The following PLA2R1 variants were observed in gnomAD, a reference collection of about 807,000 sequenced individuals.
The protein encoded by PLA2R1 is secretory phospholipase A2 receptor.
In PLA2R1, 158 loss-of-function variants were observed where a neutral mutation model predicts 195.9. The observed-to-expected ratio is 0.81, with a 90% CI of 0.71 to 0.92. PLA2R1 has a LOEUF of 0.92. PLA2R1 is among the 40% of genes least tolerant of loss of function. The pLI is 0.00. For missense variants in PLA2R1, 1,626 were observed against 1,764.6 expected (o/e 0.92, Z 1.41); for synonymous variants, 586 against 598.2 (o/e 0.98, Z 0.30).
At chr2:160,031,055 A>AG (rs1693820871) in intron 4 of PLA2R1, among the ~76,000 whole-genome samples, 1 of 152,216 alleles carries the variant, frequency 6.6e-6, no homozygotes, top group African/African-American at 2.4e-5. Context: ...GTTTTCCTGC[A>AG]CTATGACTTA....
intron 20 of PLA2R1, among the ~76,000 whole-genome samples, chr2:159,957,975 C>T (rs1047282193): frequency 3.3e-5 from 5 of 152,164 alleles, no homozygotes; most frequent in Non-Finnish European, 7.3e-5. Context: ...CCTAAGATCT[C>T]GCCACTACAG....
At chr2:160,003,117 T>C (rs1691717625) in intron 11 of PLA2R1, among the ~76,000 whole-genome samples, 1 of 152,038 alleles carries the variant, frequency 6.6e-6, no homozygotes, top group Non-Finnish European at 1.5e-5. Context: ...AAGGGTGAAC[T>C]TACTATATAG....
intron 27 of PLA2R1, chr2:159,946,117 T>A: frequency 2.6e-6 from 2 of 780,734 alleles, no homozygotes; most frequent in Non-Finnish European, 3.1e-6. Flanking sequence ...TGGGCAATAG[T>A]GTATTGTCTG....
chr2:160,052,589 T>C (rs1052389413), intron 1 of PLA2R1, among the ~76,000 whole-genome samples: 1 of 152,254 alleles, frequency 6.6e-6, no homozygotes, highest in Non-Finnish European at 1.5e-5. Flanking sequence ...TCTGTGATTA[T>C]CTTATTGACT....
chr2:160,008,360 G>A (rs747804449), intron 10 of PLA2R1, among the ~76,000 whole-genome samples: 15 of 152,118 alleles, frequency 9.9e-5, no homozygotes, highest in Non-Finnish European at 2.2e-4. Context: ...AAACACTAAC[G>A]CATAGGCCAG....
chr2:159,954,264 T>A (rs1430550329), intron 23 of PLA2R1, among the ~76,000 whole-genome samples: 1 of 151,934 alleles, frequency 6.6e-6, no homozygotes, highest in Non-Finnish European at 1.5e-5. Flanking sequence ...CAGGTACTCA[T>A]AAGTGTGTAA....
In PLA2R1 at chr2:159,967,683, A is replaced by G; in HGVS notation, c.2765-5T>C. 2 of 1,612,362 alleles carry G rather than the reference A, an allele frequency of 1.2e-6. No individual in the cohort carries two copies. Among genetic ancestry groups the G allele is most frequent in the South Asian group, 1.1e-5 (1 of 90,650 alleles). ...ACTCTTCACTACCCCAGAGTCCTGG[A>G]GGAGAAAATGGGTTAGAAATGGCTT... is the stretch of plus-strand genomic sequence containing the variant. On this transcript the variant is annotated splice_polypyrimidine_tract_variant and splice_region_variant and intron_variant, in intron 19 of 29. Transcript: ENST00000283243.
Position 160,028,284 on chromosome 2 carries a change from C to T in PLA2R1, c.1033G>A (p.Asp345Asn). 1 of 1,602,230 alleles carries T rather than the reference C, an allele frequency of 6.2e-7. No individual in the cohort carries two copies. The change falls in exon 6 of 30, where the codon GAT (aspartate) becomes AAT (asparagine). Residue 345 changes from aspartate (D) to asparagine (N), a missense_variant. Transcript: ENST00000283243. ...ATATATGGCAAGGTGGACTCACAAT[C>T]CCGACTCCTCCAGGCACTTGGCATA... ...SFMPSAWRSR[D>N]CESTLPYICK...
At chr2:159,954,232 G>A (rs955641114) in intron 23 of PLA2R1, among the ~76,000 whole-genome samples, 3 of 151,990 alleles carry the variant, frequency 2.0e-5, no homozygotes, top group Non-Finnish European at 4.4e-5. Context: ...GGCATACCGC[G>A]CATACACTCA....
At chr2:160,031,787 T>C (rs1213821552) in intron 4 of PLA2R1, among the ~76,000 whole-genome samples, 1 of 152,206 alleles carries the variant, frequency 6.6e-6, no homozygotes, top group African/African-American at 2.4e-5. Flanking sequence ...TGTATTTTGA[T>C]ATGAAGGCTC....
At chr2:160,005,435 AAAAC>A (rs61323503) in intron 11 of PLA2R1, among the ~76,000 whole-genome samples, 65,092 of 151,244 alleles carry the variant, frequency 0.43, 16,420 homozygotes, top group Non-Finnish European at 0.57. Context: ...ACCTCGTCTC[AAAAC>A]AAACAAACAA....
In PLA2R1 at chr2:159,955,425, T is replaced by C. The variant is rs1246555333; in HGVS notation, c.3154-79A>G. 2.0e-5 allele frequency: 18 copies of C among 907,976 alleles called. No homozygotes were observed. The South Asian group carries it at 3.0e-4, about 15-fold the overall frequency. The allele number at this position is 907,976 out of a possible 1,614,324, so 56.2% of individuals were successfully genotyped here. ...CATTAAAATTTTTATTAAGACATTA[T>C]TTTTAAAATTAAGACACCATTATTC... On this transcript the variant is annotated intron_variant, in intron 22 of 29. Transcript: ENST00000283243.
Position 160,045,031 on chromosome 2 carries a change from T to C in PLA2R1, c.236A>G (p.His79Arg), listed in dbSNP as rs376256904. The change falls in exon 2 of 30, where the codon CAT becomes CGT. Residue 79 changes from histidine (H) to arginine (R), a missense_variant. His to Arg is a conservative substitution (Grantham distance 29). Transcript: ENST00000283243. The stretch of plus-strand genomic sequence containing the variant: ...ACTGCCTCCTATGTTAAAGAGGCCA[T>C]GGTTTGAAACCCATTTCCACAGCAT... ...KHMLWKWVSN[H>R]GLFNIGGSGC... 6.8e-6 allele frequency: 11 copies of C among 1,614,112 alleles called. No homozygotes were observed. The African/African-American group carries it at 8.0e-5, about 12-fold the overall frequency.
chr2:159,942,105 T>C, intron 29 of PLA2R1, 22 bp downstream of exon 29: 9 of 1,605,882 alleles, frequency 5.6e-6, no homozygotes, highest in Non-Finnish European at 7.7e-6. Context: ...AATCAAAATG[T>C]TTTGTATGGT....
In PLA2R1 at chr2:159,977,322, C is replaced by G; in HGVS notation, c.2363G>C (p.Cys788Ser). Residue 788 changes from cysteine (C) to serine (S), a missense_variant, in exon 15 of 30, where the codon TGT becomes TCT. Coordinates refer to ENST00000283243, the MANE Select transcript of PLA2R1 (RefSeq NM_007366.5). ...GCATATCCATTCACGTTTGGAACCA[C>G]AGTGTAAGGGCAGCAATGTTTTGTT... ...KANKTLLPLH[C>S]GSKREWICKI... 1 of 1,612,906 alleles carries G rather than the reference C, an allele frequency of 6.2e-7. No individual in the cohort carries two copies.
At chr2:160,018,070 C>T (rs1359308629) in intron 8 of PLA2R1, among the ~76,000 whole-genome samples, 1 of 152,062 alleles carries the variant, frequency 6.6e-6, no homozygotes, top group Non-Finnish European at 1.5e-5. Context: ...CTAAGTTCTA[C>T]TCCATGGAAA....
chr2:159,993,539 C>G (rs1376881087), intron 11 of PLA2R1, among the ~76,000 whole-genome samples: 1 of 151,556 alleles, frequency 6.6e-6, no homozygotes, highest in East Asian at 1.9e-4. Flanking sequence ...GACGAGCACC[C>G]TTAAGCCCAG....
rs146179209 is a variant in PLA2R1 at position 159,976,225 on chromosome 2, T to C, written c.2438A>G (p.Asp813Gly). 9.1e-5 allele frequency: 145 copies of C among 1,596,236 alleles called. No homozygotes were observed. Among genetic ancestry groups the C allele is most frequent in the Admixed American group, 5.1e-4 (29 of 56,982 alleles). The change falls in exon 17 of 30, where the codon GAT becomes GGT. Residue 813 changes from aspartate to glycine, a missense_variant and splice_region_variant. By Grantham distance (94) the Asp-to-Gly change is moderately conservative. Coordinates refer to ENST00000283243, the MANE Select transcript of PLA2R1 (RefSeq NM_007366.5). ...KPKIPFWYQY[D>G]VPWLFYQDAE... ...ATCCTGATAAAAGAGCCAGGGTACATCTGAAAAAGAAACAGTGAAAATAAT... is the reference window on the plus strand; with the variant it reads ...ATCCTGATAAAAGAGCCAGGGTACACCTGAAAAAGAAACAGTGAAAATAAT...
intron 20 of PLA2R1, among the ~76,000 whole-genome samples, chr2:159,961,902 T>A (rs1688470393): frequency 6.6e-6 from 1 of 152,230 alleles, no homozygotes; most frequent in African/African-American, 2.4e-5. Flanking sequence ...GACTTGTCAT[T>A]AATTTCCTTA....
Sources: allele counts gnomAD v4.1 joint callset (sites outside exome capture counted in the v4.1 genomes callset), GRCh38; gene constraint gnomAD v4.1.1; transcripts MANE v1.5; gene names NCBI Gene and HGNC (gene_info 2026-07-23, HGNC 2026-07-21).